The following JAK2 variants were observed in gnomAD, a reference collection of about 807,000 sequenced individuals.
JAK2 encodes tyrosine-protein kinase JAK2.
In JAK2, 86 loss-of-function variants were observed where a neutral mutation model predicts 139.3. The ratio of observed to expected loss-of-function variants is 0.62; its 90% CI spans 0.52 to 0.74. The LOEUF (loss-of-function observed/expected upper bound fraction) is 0.74, where lower values mean the gene tolerates loss of function less well. Among genes scored for constraint, JAK2 ranks in the 30% least tolerant of loss-of-function variants. JAK2 has a pLI of 0.00. For missense variants in JAK2, 1,421 were observed against 1,360.3 expected (o/e 1.04, Z -0.70); for synonymous variants, 490 against 437.7 (o/e 1.12, Z -1.49).
chr9:5,078,264 T>C (rs764955751), intron 15 of JAK2, 42 bp from the exon 16 acceptor site: 1 of 1,560,734 alleles, frequency 6.4e-7, no homozygotes, highest in Non-Finnish European at 8.8e-7. Flanking sequence ...CTCCAGTACT[T>C]GTGGACTGAT....
intron 14 of JAK2, among the ~76,000 whole-genome samples, chr9:5,076,836 C>G (rs113075014): frequency 8.6e-4 from 131 of 152,172 alleles, no homozygotes; most frequent in African/African-American, 3.0e-3. Flanking sequence ...GGTTTGGAAC[C>G]TGTTATATGG....
At chr9:5,028,178 T>A (rs990792311) in intron 3 of JAK2, among the ~76,000 whole-genome samples, 2 of 152,224 alleles carry the variant, frequency 1.3e-5, no homozygotes, top group Non-Finnish European at 2.9e-5. Context: ...TCCTTATCCA[T>A]GGGCTGCAGA....
chr9:5,050,563 G>A, intron 5 of JAK2, 123 bp from the exon 6 acceptor site: 1 of 984,610 alleles, frequency 1.0e-6, no homozygotes, highest in Non-Finnish European at 1.5e-6. Flanking sequence ...GAGCCACTGA[G>A]CCTGGCCAAT....
intron 22 of JAK2, among the ~76,000 whole-genome samples, chr9:5,117,455 T>G (rs1007099848): frequency 3.3e-5 from 5 of 152,220 alleles, no homozygotes; most frequent in Non-Finnish European, 7.3e-5. Flanking sequence ...GTAAAAAATA[T>G]TTTCATAATA....
intron 12 of JAK2, 125 bp downstream of exon 12, chr9:5,070,177 T>C: frequency 1.8e-6 from 1 of 568,508 alleles, no homozygotes; most frequent in Non-Finnish European, 2.7e-6. Context: ...GATTTAAATA[T>C]TTTTCTTATG....
At chr9:5,113,283 C>T (rs1170844150) in intron 22 of JAK2, among the ~76,000 whole-genome samples, 1 of 143,962 alleles carries the variant, frequency 6.9e-6, no homozygotes, top group Non-Finnish European at 1.5e-5. Context: ...AAAAAAATGC[C>T]TTAACTATAA....
intron 22 of JAK2, chr9:5,108,380 A>G (rs907585251): frequency 6.6e-6 from 1 of 152,058 alleles, no homozygotes; most frequent in African/African-American, 2.4e-5. Context: ...TATTGTACAC[A>G]CTAGTAGGGT....
intron 22 of JAK2, chr9:5,110,129 A>C (rs1394213966): frequency 6.6e-6 from 1 of 152,232 alleles, no homozygotes; most frequent in East Asian, 1.9e-4. Flanking sequence ...CAGCAGCAGG[A>C]AAGTCAGCTA....
chr9:5,034,066 A>G (rs753533276), intron 4 of JAK2, among the ~76,000 whole-genome samples: 1 of 152,130 alleles, frequency 6.6e-6, no homozygotes, highest in Non-Finnish European at 1.5e-5. Context: ...CAAACGGAAA[A>G]CAAAAAAAGG....
chr9:5,054,906 T>C lies in JAK2; in HGVS notation c.936+22T>C, dbSNP rs1386670420. On this transcript the variant is annotated intron_variant, in intron 7 of 24. Transcript: ENST00000381652. This position sits in a 1 kb window ranked among gnomAD's most constrained non-coding sequence, Gnocchi z 4.9. ...ACAGGTAATCCTTAATGATATGTTC[T>C]TGTTCTTTGTTATTTTAAGTACAAT... is the stretch of plus-strand genomic sequence containing the variant. 1 of 1,487,242 alleles carries C rather than the reference T, an allele frequency of 6.7e-7. No homozygotes were observed. The highest frequency in any genetic ancestry group is 9.1e-7 in the Non-Finnish European group (1 of 1,095,496). The allele number at this position is 1,487,242 out of a possible 1,614,324, so 92.1% of individuals were successfully genotyped here. A position where few individuals can be genotyped will look rare whatever the true frequency, so the allele number is the denominator to read the frequency against.
intron 23 of JAK2, 92 bp from the exon 24 acceptor site, chr9:5,126,241 A>G: frequency 1.3e-6 from 1 of 793,462 alleles, no homozygotes; most frequent in Non-Finnish European, 2.1e-6. Flanking sequence ...GCACACATAT[A>G]CTAAATTTTT....
At position 5,072,582 on chromosome 9, in the gene JAK2, G is replaced by A; in HGVS notation, c.1732G>A (p.Val578Ile). The A allele has an allele frequency of 6.2e-7, 1 of 1,610,040 alleles. No individual in the cohort carries two copies. The highest frequency in any genetic ancestry group is 8.5e-7 in the Non-Finnish European group (1 of 1,177,518). ...CTACGGTCAACTGCATGAAACAGAA[G>A]TTCTTTTAAAAGTTCTGGATAAAGC... is the stretch of plus-strand genomic sequence containing the variant. The part of the protein sequence containing the change: ...GDYGQLHETE[V>I]LLKVLDKAHR... The change falls in exon 13 of 25, where the codon GTT becomes ATT. Residue 578 changes from valine (V) to isoleucine (I), a missense_variant. Val to Ile is a conservative substitution (Grantham distance 29, BLOSUM62 3). Coordinates refer to ENST00000381652, the MANE Select transcript of JAK2 (RefSeq NM_004972.4).
chr9:5,091,536 G>C (rs1268070691), intron 22 of JAK2: 1 of 152,056 alleles, frequency 6.6e-6, no homozygotes, highest in African/African-American at 2.4e-5. Flanking sequence ...AATTATGGGT[G>C]TTGGTTGGTG....
intron 22 of JAK2, chr9:5,109,617 G>C (rs752584512): frequency 6.6e-6 from 1 of 152,070 alleles, no homozygotes; most frequent in Non-Finnish European, 1.5e-5. Context: ...CATCACATGC[G>C]CCTTCACCAT....
chr9:5,012,430 A>G (rs1035727596), intron 2 of JAK2, among the ~76,000 whole-genome samples: 1 of 152,008 alleles, frequency 6.6e-6, no homozygotes, highest in African/African-American at 2.4e-5. Flanking sequence ...AGTATAAACT[A>G]CTCTCTCATT....
intron 4 of JAK2, among the ~76,000 whole-genome samples, chr9:5,030,614 A>G (rs1448585506): frequency 6.6e-6 from 1 of 152,200 alleles, no homozygotes; most frequent in Non-Finnish European, 1.5e-5. Context: ...ATTGGGAGTC[A>G]GGTTCAAATC....
rs1324913444 is a variant in JAK2, at chr9:5,129,831, T to G, written c.*3040T>G. Among the ~76,000 whole-genome samples the G allele has an allele frequency of 6.6e-6, 1 of 152,156 alleles. No individual in the cohort carries two copies. Among genetic ancestry groups the G allele is most frequent in the African/African-American group, 2.4e-5 (1 of 41,456 alleles). Reference sequence around the variant, plus strand: ...TATGTATATCATATAGCCTTTAACTTTTTACATTAATCAGATTCTTAGTAA... The same window carrying G: ...TATGTATATCATATAGCCTTTAACTGTTTACATTAATCAGATTCTTAGTAA... On this transcript the variant is annotated 3_prime_UTR_variant, in exon 25 of 25. Transcript: ENST00000381652.
At chr9:5,053,024 T>C (rs532465481) in intron 6 of JAK2, among the ~76,000 whole-genome samples, 1 of 152,204 alleles carries the variant, frequency 6.6e-6, no homozygotes, top group South Asian at 2.1e-4. Context: ...AGGAGTGGAA[T>C]TCCTGGAACA....
At chr9:5,069,830 C>A in intron 11 of JAK2, 95 bp from the exon 12 acceptor site, 2 of 667,438 alleles carry the variant, frequency 3.0e-6, no homozygotes, top group Non-Finnish European at 4.5e-6. Context: ...TTAAGCATTT[C>A]TTATACGTAG....
Sources: allele counts gnomAD v4.1 joint callset (sites outside exome capture counted in the v4.1 genomes callset), GRCh38; gene constraint gnomAD v4.1.1; non-coding constraint Gnocchi (gnomAD v3.1); transcripts MANE v1.5; gene names NCBI Gene and HGNC (gene_info 2026-07-23, HGNC 2026-07-21).